Variants in ZNF316 observed in about 807,000 individuals in gnomAD.
ZNF316 encodes zinc finger protein 316.
In ZNF316, 23 loss-of-function variants were observed where a neutral mutation model predicts 75.6. The observed-to-expected ratio is 0.30, with a 90% confidence interval of 0.22 to 0.43. The LOEUF (loss-of-function observed/expected upper bound fraction) is 0.43, where lower values mean the gene tolerates loss of function less well. Among genes scored for constraint, ZNF316 ranks in the 20% least tolerant of loss-of-function variants. The pLI is 1.00. For missense variants in ZNF316, 1,266 were observed against 1,409.4 expected (o/e 0.90, Z 1.63); for synonymous variants, 827 against 666.2 (o/e 1.24, Z -3.72).
intron 8 of ZNF316, among the ~76,000 whole-genome samples, chr7:6,645,247 G>A (rs58699300): frequency 0.012 from 1,757 of 152,322 alleles, 33 homozygotes; most frequent in African/African-American, 0.039. Flanking sequence ...GTTGCGTGGA[G>A]GTCCTTAGTG....
Position 6,654,746 on chromosome 7 carries a change from C to A in ZNF316, c.*135C>A. The A allele has an allele frequency of 1.3e-6, 1 of 796,270 alleles. No homozygotes were observed. Among genetic ancestry groups the A allele is most frequent in the Non-Finnish European group, 1.6e-6 (1 of 619,062 alleles). 49.3% of individuals were successfully genotyped at this position (796,270 alleles called of 1,614,324 possible). On this transcript the variant is annotated 3_prime_UTR_variant, in exon 9 of 9. Coordinates refer to ENST00000382252, the MANE Select transcript of ZNF316 (RefSeq NM_001278559.2). ...GCGGTGCCTTCCCTCAGCCCTCGCC[C>A]TGCGGCCCCGGGTCTCATGCCCGCC...
At chr7:6,650,124 C>G (rs1443310963) in intron 8 of ZNF316, among the ~76,000 whole-genome samples, 1 of 152,218 alleles carries the variant, frequency 6.6e-6, no homozygotes, top group Non-Finnish European at 1.5e-5. Flanking sequence ...GTCTCTAAAC[C>G]CAAGACCTGC....
chr7:6,651,273 C>T (rs1226712190), intron 8 of ZNF316, among the ~76,000 whole-genome samples: 1 of 152,180 alleles, frequency 6.6e-6, no homozygotes, highest in Non-Finnish European at 1.5e-5. Context: ...ATTGCTCAAC[C>T]CGGGAGGTGG....
Position 6,653,744 on chromosome 7 carries a change from G to A in ZNF316, c.2148G>A (p.Glu716=), listed in dbSNP as rs1384239589. Residue 716 remains glutamate, a synonymous_variant, in exon 9 of 9, where the codon GAG becomes GAA. Transcript: ENST00000382252. ...AGCACCAGCGCTACCACGCGGGCGA[G>A]CGGCCGCATCGCTGCGCCGACTGCG... The part of the protein sequence containing the change: ...LAKHQRYHAG[E]RPHRCADCGK... 6 of 1,097,448 alleles carry A rather than the reference G, an allele frequency of 5.5e-6. No individual in the cohort carries two copies. The highest frequency in any genetic ancestry group is 5.6e-6 in the Non-Finnish European group (5 of 900,386). 68.0% of individuals were successfully genotyped at this position (1,097,448 alleles called of 1,614,324 possible).
chr7:6,651,517 C>T (rs1779506970), intron 8 of ZNF316, among the ~76,000 whole-genome samples: 1 of 151,894 alleles, frequency 6.6e-6, no homozygotes, highest in Non-Finnish European at 1.5e-5. Context: ...TAGCCAGCTG[C>T]GGTGCTGTGC....
In ZNF316 at chr7:6,652,397, A is replaced by C. The variant is rs1779522534; in HGVS notation, c.801A>C (p.Pro267=). Residue 267 remains proline, a synonymous_variant, in exon 9 of 9, where the codon CCA becomes CCC. Coordinates refer to ENST00000382252, the MANE Select transcript of ZNF316 (RefSeq NM_001278559.2). ...TGGCCGAGGAGGAGAACGAGCCCCC[A>C]GGGCTCTGGTCGGCGGCCTACGGCG... ...AEVAEEENEP[P]GLWSAAYGVG... The C allele has an allele frequency of 8.1e-7, 1 of 1,232,336 alleles. No individual in the cohort carries two copies. The highest frequency in any genetic ancestry group is 3.2e-5 in the East Asian group (1 of 31,688). The allele number at this position is 1,232,336 out of a possible 1,614,324, so 76.3% of individuals were successfully genotyped here. A position where few individuals can be genotyped will look rare whatever the true frequency, so the allele number is the denominator to read the frequency against.
In ZNF316 at chr7:6,642,553, G is replaced by T; in HGVS notation, c.144G>T (p.Glu48Asp). ...GEEVQEVEEE[E>D]EEIVVEEEEE... ...AGGTGCAGGAGGTGGAAGAAGAGGA[G>T]GAGGAGATAGTGGTGGAGGAGGAGG... The change falls in exon 5 of 9, where the codon GAG becomes GAT. Residue 48 changes from glutamate (E) to aspartate (D), a missense_variant. Glu to Asp is a conservative substitution (Grantham distance 45, BLOSUM62 2). Around this residue, in one of 3 missense-constraint regions of ZNF316, gnomAD observed 961 missense variants for 990.9 expected, o/e 0.97. Transcript: ENST00000382252. The surrounding 1 kb of genome is among the most constrained non-coding windows in gnomAD (Gnocchi z 8.1). 1 of 1,225,170 alleles carries T rather than the reference G, an allele frequency of 8.2e-7. No individual in the cohort carries two copies. The highest frequency in any genetic ancestry group is 1.0e-6 in the Non-Finnish European group (1 of 980,568). 75.9% of individuals were successfully genotyped at this position (1,225,170 alleles called of 1,614,324 possible).
intron 8 of ZNF316, among the ~76,000 whole-genome samples, chr7:6,646,644 A>G (rs1779410100): frequency 6.6e-6 from 1 of 152,086 alleles, no homozygotes; most frequent in Admixed American, 6.5e-5. Flanking sequence ...GTGTAAAGTC[A>G]GTCTCTGAAA....
At chr7:6,650,398 G>A (rs1038623201) in intron 8 of ZNF316, among the ~76,000 whole-genome samples, 3 of 152,226 alleles carry the variant, frequency 2.0e-5, no homozygotes, top group South Asian at 2.1e-4. Flanking sequence ...ATAGTAAACC[G>A]ATAAAGTATC....
chr7:6,641,672 C>T (rs1425955324), intron 3 of ZNF316, among the ~76,000 whole-genome samples, 153 bp from the exon 4 acceptor site: 1 of 152,254 alleles, frequency 6.6e-6, no homozygotes, highest in Non-Finnish European at 1.5e-5. Context: ...GTCTCTGATC[C>T]CCAAACTTGA....
chr7:6,643,183 T>C, intron 6 of ZNF316, 110 bp downstream of exon 6: 1 of 1,217,172 alleles, frequency 8.2e-7, no homozygotes, highest in Non-Finnish European at 1.0e-6. Context: ...GGCACTGGAG[T>C]CCCCGGACCA....
At position 6,640,271 on chromosome 7, in the gene ZNF316, G is replaced by T. The variant is rs138892039; in HGVS notation, c.-167+1130G>T. ...GCTGTAAAGAAATACCTGAGACTGG[G>T]TCATTTATAAAGAAGAGGTGAGACT... On this transcript the variant is annotated intron_variant, in intron 3 of 8. Coordinates refer to ENST00000382252, the MANE Select transcript of ZNF316 (RefSeq NM_001278559.2). This position sits in a 1 kb window ranked among gnomAD's most constrained non-coding sequence, Gnocchi z 5.1. Among the ~76,000 whole-genome samples, 185 of 152,310 alleles carry T rather than the reference G, an allele frequency of 1.2e-3. No individual in the cohort carries two copies. Among genetic ancestry groups the T allele is most frequent in the Middle Eastern group, 6.8e-3 (2 of 294 alleles).
Position 6,654,596 on chromosome 7 carries a change from G to C in ZNF316, c.3000G>C (p.Arg1000=), listed in dbSNP as rs941133842. Residue 1000 remains arginine (R), a synonymous_variant, in exon 9 of 9, where the codon CGG becomes CGC. Transcript: ENST00000382252. ...AAFAGPSGAY[R]EGVL The stretch of plus-strand genomic sequence containing the variant: ...TCGCCGGGCCCTCGGGCGCCTACCG[G>C]GAGGGCGTCCTGTGAGGGGCCCGGG... The C allele has an allele frequency of 8.4e-7, 1 of 1,186,124 alleles. No homozygotes were observed. The highest frequency in any genetic ancestry group is 1.0e-6 in the Non-Finnish European group (1 of 958,660). 73.5% of individuals were successfully genotyped at this position (1,186,124 alleles called of 1,614,324 possible). A position where few individuals can be genotyped will look rare whatever the true frequency, so the allele number is the denominator to read the frequency against.
chr7:6,652,901 C>T lies in ZNF316; in HGVS notation c.1305C>T (p.Gly435=). 9 of 1,240,600 alleles carry T rather than the reference C, an allele frequency of 7.3e-6. No individual in the cohort carries two copies. The highest frequency in any genetic ancestry group is 9.1e-6 in the Non-Finnish European group (9 of 991,532). The allele number at this position is 1,240,600 out of a possible 1,614,324, so 76.8% of individuals were successfully genotyped here. A position where few individuals can be genotyped will look rare whatever the true frequency, so the allele number is the denominator to read the frequency against. ...GERPYRCAFC[G]AGFGRRSYLV... The stretch of plus-strand genomic sequence containing the variant: ...GGCCCTACCGCTGCGCCTTCTGCGG[C>T]GCGGGCTTCGGGCGCCGCTCCTACC... Residue 435 remains glycine (G), a synonymous_variant, in exon 9 of 9, where the codon GGC becomes GGT. Coordinates refer to ENST00000382252, the MANE Select transcript of ZNF316 (RefSeq NM_001278559.2).
Position 6,656,720 on chromosome 7 carries a change from C to T in ZNF316, c.*2109C>T, listed in dbSNP as rs117421362. The stretch of plus-strand genomic sequence containing the variant: ...TTTGTGAATATGTTGGCCAGGCTTC[C>T]AGAGGCCAGAGTGAGGGGCCAGGTA... On this transcript the variant is annotated 3_prime_UTR_variant, in exon 9 of 9. Transcript: ENST00000382252. Among the ~76,000 whole-genome samples, 3,441 of 152,168 alleles carry T rather than the reference C, an allele frequency of 0.023. 63 individuals carry two copies. Among genetic ancestry groups the T allele is most frequent in the Middle Eastern group, 0.051 (15 of 294 alleles).
chr7:6,643,016 G>A lies in ZNF316; in HGVS notation c.408G>A (p.Glu136=). The part of the protein sequence containing the change: ...PATPRDEDLE[E]EEEEEEDEDE... ...CTCCTAGGGATGAGGACCTGGAGGA[G>A]GAGGAAGAGGAGGAGGAGGATGAGG... is the stretch of plus-strand genomic sequence containing the variant. The change falls in exon 6 of 9, where the codon GAG becomes GAA. Residue 136 remains glutamate, a synonymous_variant. Transcript: ENST00000382252. 3.2e-6 allele frequency: 4 copies of A among 1,239,602 alleles called. No homozygotes were observed. Among genetic ancestry groups the A allele is most frequent in the Non-Finnish European group, 4.0e-6 (4 of 992,634 alleles). The allele number at this position is 1,239,602 out of a possible 1,614,324, so 76.8% of individuals were successfully genotyped here.
chr7:6,648,657 T>C (rs1779451897), intron 8 of ZNF316, among the ~76,000 whole-genome samples: 1 of 152,178 alleles, frequency 6.6e-6, no homozygotes, highest in Non-Finnish European at 1.5e-5. Context: ...CTATGGCCAG[T>C]GCGTCATAGG....
At position 6,656,298 on chromosome 7, in the gene ZNF316, T is replaced by A. The variant is rs1245814627; in HGVS notation, c.*1687T>A. ...AGAAAGGGCCAAGGGCAAGGTGGGCTTGGGGGGCTCTGGGAATCTCAGCTC... is the reference window on the plus strand; with the variant it reads ...AGAAAGGGCCAAGGGCAAGGTGGGCATGGGGGGCTCTGGGAATCTCAGCTC... On this transcript the variant is annotated 3_prime_UTR_variant, in exon 9 of 9. Coordinates refer to ENST00000382252, the MANE Select transcript of ZNF316 (RefSeq NM_001278559.2). 2.6e-5 allele frequency: 4 copies of A among 152,072 alleles called. No homozygotes were observed. Among genetic ancestry groups the A allele is most frequent in the Admixed American group, 2.6e-4 (4 of 15,264 alleles). The allele number at this position is 152,072 out of a possible 1,614,324, so 9.4% of individuals were successfully genotyped here. A position where few individuals can be genotyped will look rare whatever the true frequency, so the allele number is the denominator to read the frequency against.
rs1341367406 is a variant in ZNF316, at chr7:6,653,062, A to G, written c.1466A>G (p.Asp489Gly). Residue 489 changes from aspartate (D) to glycine (G), a missense_variant, in exon 9 of 9, where the codon GAC becomes GGC. Physicochemically the swap from Asp to Gly is moderately conservative, Grantham distance 94 (BLOSUM62 -1). Transcript: ENST00000382252. ...GCCGACCGCCCGCACTGCTGTCCCGACTGCGGCCAGGCCTTCCGCCTGCGC... is the reference window on the plus strand; with the variant it reads ...GCCGACCGCCCGCACTGCTGTCCCGGCTGCGGCCAGGCCTTCCGCCTGCGC... ...HTADRPHCCP[D>G]CGQAFRLRAD... 9.1e-6 allele frequency: 11 copies of G among 1,212,396 alleles called. No homozygotes were observed. In the African/African-American group the frequency reaches 1.6e-4, roughly 17 times the overall value. 75.1% of individuals were successfully genotyped at this position (1,212,396 alleles called of 1,614,324 possible).
Sources: allele counts gnomAD v4.1 joint callset (sites outside exome capture counted in the v4.1 genomes callset), GRCh38; gene constraint gnomAD v4.1.1; regional missense constraint gnomAD v4.1.1; non-coding constraint Gnocchi (gnomAD v3.1); transcripts MANE v1.5; gene names NCBI Gene and HGNC (gene_info 2026-07-23, HGNC 2026-07-21).